COL21A1: variants seen among roughly 807,000 people sequenced by gnomAD.
COL21A1 encodes the protein collagen type XXI alpha 1 chain.
A neutral mutation model predicts 137.9 loss-of-function variants in COL21A1; 149 were observed. The observed-to-expected ratio is 1.08, with a 90% CI of 0.95 to 1.24. The LOEUF (loss-of-function observed/expected upper bound fraction) is 1.24, where lower values mean the gene tolerates loss of function less well. COL21A1 is among the 50% of genes most tolerant of loss of function. The pLI, the probability that COL21A1 is intolerant of heterozygous loss-of-function variation, is 0.00. For missense variants in COL21A1, 1,167 were observed against 1,158.4 expected, an observed-to-expected ratio of 1.01 and a Z score of -0.11; for synonymous variants, 456 against 391.5, an observed-to-expected ratio of 1.16 and a Z score of -1.95.
chr6:56,141,326 A>G (rs908286624), intron 12 of COL21A1, among the ~76,000 whole-genome samples: 2 of 152,220 alleles, frequency 1.3e-5, no homozygotes, highest in African/African-American at 4.8e-5. Flanking sequence ...TGTTAAGCGA[A>G]ATAAGTCAGG....
At chr6:56,391,822 A>G (rs60630030) in intron 1 of COL21A1, among the ~76,000 whole-genome samples, 25,997 of 152,028 alleles carry the variant, frequency 0.17, 2,392 homozygotes, top group African/African-American at 0.22. Context: ...AAATACAAAA[A>G]CTCAATAGAC....
chr6:56,348,864 A>G (rs2038178943), intron 1 of COL21A1, among the ~76,000 whole-genome samples: 1 of 152,204 alleles, frequency 6.6e-6, no homozygotes, highest in African/African-American at 2.4e-5. Flanking sequence ...GAATCCTCAC[A>G]TCATTTATCT....
At chr6:56,114,004 A>C (rs902558130) in intron 16 of COL21A1, among the ~76,000 whole-genome samples, 1 of 152,202 alleles carries the variant, frequency 6.6e-6, no homozygotes, top group Non-Finnish European at 1.5e-5. Context: ...AAAAGTGAGA[A>C]GGACTGCGTC....
chr6:56,307,819 C>G (rs1387981956), intron 1 of COL21A1, among the ~76,000 whole-genome samples: 3 of 152,158 alleles, frequency 2.0e-5, no homozygotes, highest in African/African-American at 7.2e-5. Context: ...GTCGCTCACC[C>G]TGGGAGCTGT....
At chr6:56,130,901 G>A (rs996572590) in intron 12 of COL21A1, among the ~76,000 whole-genome samples, 12 of 152,136 alleles carry the variant, frequency 7.9e-5, no homozygotes, top group African/African-American at 2.9e-4. Flanking sequence ...TATTTATAAG[G>A]TTTAACAGCA....
intron 16 of COL21A1, among the ~76,000 whole-genome samples, chr6:56,103,358 A>G (rs1770615466): frequency 6.6e-6 from 1 of 152,214 alleles, no homozygotes. Context: ...GTGACTTATA[A>G]AACAATCTGT....
chr6:56,079,911 T>G (rs1279960954), intron 17 of COL21A1, among the ~76,000 whole-genome samples: 1 of 151,622 alleles, frequency 6.6e-6, no homozygotes, highest in Non-Finnish European at 1.5e-5. Flanking sequence ...GCCTGATTTA[T>G]CTAAGGAATT....
At chr6:56,311,764 C>T (rs753299789) in intron 1 of COL21A1, among the ~76,000 whole-genome samples, 1 of 152,136 alleles carries the variant, frequency 6.6e-6, no homozygotes, top group African/African-American at 2.4e-5. Context: ...CATGGTCACT[C>T]CCTTTGAGGA....
Position 56,074,267 on chromosome 6 carries a change from C to T in COL21A1, c.1930G>A (p.Gly644Ser). 6.3e-7 allele frequency: 1 copy of T among 1,592,758 alleles called. No homozygotes were observed. Among genetic ancestry groups the T allele is most frequent in the South Asian group, 1.1e-5 (1 of 87,670 alleles). The change falls in exon 20 of 30, where the codon GGC becomes AGC. Residue 644 changes from glycine (G) to serine (S), a missense_variant. By Grantham distance (56) the Gly-to-Ser change is moderately conservative. Transcript: ENST00000244728. Reference sequence around the variant, plus strand: ...GGTGTTCCAGGCTGGCCTGGTGAGCCATTGCTTCCCATTAAACCCTACAAT... The same window carrying T: ...GGTGTTCCAGGCTGGCCTGGTGAGCTATTGCTTCCCATTAAACCCTACAAT... ...PGMPGLMGSN[G>S]SPGQPGTPGS...
chr6:56,368,178 G>C (rs1425795137), intron 1 of COL21A1, among the ~76,000 whole-genome samples: 1 of 147,640 alleles, frequency 6.8e-6, no homozygotes, highest in African/African-American at 2.7e-5. Flanking sequence ...AACTAAGCAG[G>C]GGGGTATTTG....
upstream of COL21A1, among the ~76,000 whole-genome samples, chr6:56,250,337 G>A (rs1782826623): frequency 2.0e-5 from 3 of 152,224 alleles, no homozygotes; most frequent in Non-Finnish European, 2.9e-5. Context: ...ACCCTTTAAA[G>A]CAGAGAGGTT....
intron 1 of COL21A1, among the ~76,000 whole-genome samples, chr6:56,278,638 ACATCT>A (rs1763724341): frequency 6.6e-6 from 1 of 152,140 alleles, no homozygotes. Flanking sequence ...AAGCTCTTTC[ACATCT>A]GTTTTCACTG....
intron 24 of COL21A1, among the ~76,000 whole-genome samples, chr6:56,063,510 T>A (rs1382449656): frequency 6.6e-6 from 1 of 152,054 alleles, no homozygotes. Flanking sequence ...AAGTGGAGGA[T>A]CATGAAAACT....
At chr6:56,345,954 C>T (rs1765588141) in intron 1 of COL21A1, among the ~76,000 whole-genome samples, 1 of 152,188 alleles carries the variant, frequency 6.6e-6, no homozygotes. Flanking sequence ...CTATCTGTCA[C>T]CATTCACTTT....
chr6:56,256,963 A>T (rs907065331), intron 1 of COL21A1, among the ~76,000 whole-genome samples: 9 of 152,216 alleles, frequency 5.9e-5, no homozygotes, highest in African/African-American at 2.2e-4. Flanking sequence ...ATTTAAATTT[A>T]TACAAAATCA....
At chr6:56,288,419 A>G in intron 1 of COL21A1, among the ~76,000 whole-genome samples, 1 of 151,904 alleles carries the variant, frequency 6.6e-6, no homozygotes, top group Non-Finnish European at 1.5e-5. Context: ...GCGAAATCAT[A>G]AAAAGTACAA....
rs115296081 is a variant in COL21A1 at position 56,193,970 on chromosome 6, G to A, written c.-38-11314C>T. Reference sequence around the variant, plus strand: ...GGGTTTCACCATATTGGCCAGGATGGTCTTGATTTCTTGATCTCATGATCC... The same window carrying A: ...GGGTTTCACCATATTGGCCAGGATGATCTTGATTTCTTGATCTCATGATCC... On this transcript the variant is annotated intron_variant, in intron 1 of 29. Transcript: ENST00000244728. Among the ~76,000 whole-genome samples the A allele has an allele frequency of 8.2e-3, 1,249 of 152,190 alleles. 20 individuals are homozygous for A. Among genetic ancestry groups the A allele is most frequent in the African/African-American group, 0.029 (1,205 of 41,516 alleles).
intron 1 of COL21A1, among the ~76,000 whole-genome samples, chr6:56,355,250 ATCTGATCATACT>A: frequency 6.6e-6 from 1 of 152,354 alleles, no homozygotes; most frequent in East Asian, 1.9e-4. Context: ...TTGAATATGA[ATCTGATCATACT>A]TCTAAATGTA....
rs115840936 is a variant in COL21A1, at chr6:56,276,872, G to A, written c.-38-94216C>T. ...CGCCCAGGCTGGAGTGCAGTGACGC[G>A]GTCCAGCTCACTGCAAGCTCTGCCT... is the stretch of plus-strand genomic sequence containing the variant. On this transcript the variant is annotated intron_variant, in intron 1 of 28. Transcript: ENST00000370819. The A allele has an allele frequency of 3.9e-3, 2,108 of 539,690 alleles. 36 individuals are homozygous for A. The highest frequency in any genetic ancestry group is 0.036 in the African/African-American group (1,842 of 51,618). The allele number at this position is 539,690 out of a possible 1,614,324, so 33.4% of individuals were successfully genotyped here.
Sources: allele counts gnomAD v4.1 joint callset (sites outside exome capture counted in the v4.1 genomes callset), GRCh38; gene constraint gnomAD v4.1.1; transcripts MANE v1.5; gene names NCBI Gene and HGNC (gene_info 2026-07-23, HGNC 2026-07-21).